Variants in ECT2L observed in about 807,000 individuals in gnomAD.
The protein encoded by ECT2L is epithelial cell-transforming sequence 2 oncogene-like.
In ECT2L, 126 loss-of-function variants were observed where a neutral mutation model predicts 122.8. The ratio of observed to expected loss-of-function variants is 1.03; its 90% confidence interval spans 0.89 to 1.19. The LOEUF is 1.19. ECT2L is among the 50% of genes most tolerant of loss of function. ECT2L has a pLI of 0.00. For missense variants in ECT2L, 1,012 were observed against 1,064.1 expected (o/e 0.95, Z 0.68); for synonymous variants, 385 against 381.8 (o/e 1.01, Z -0.10).
rs1776850051 is a variant in ECT2L at position 138,836,630 on chromosome 6, G to C, written c.180-1722G>C. Among the ~76,000 whole-genome samples the C allele has an allele frequency of 3.3e-5, 5 of 150,894 alleles. No homozygotes were observed. In the Admixed American group the frequency reaches 3.3e-4, roughly 10 times the overall value. ...ATTACTATGATGGCCTCCAAGTGGT[G>C]ATTTCCTGATTTCTTAATTCCTTCT... On this transcript the variant is annotated intron_variant, in intron 4 of 21. Coordinates refer to ENST00000541398, the MANE Select transcript of ECT2L (RefSeq NM_001077706.3).
intron 20 of ECT2L, among the ~76,000 whole-genome samples, chr6:138,899,482 T>C (rs939185538): frequency 4.0e-5 from 6 of 151,750 alleles, no homozygotes; most frequent in Non-Finnish European, 7.4e-5. Context: ...TATAAAACAG[T>C]GGAAGGATAC....
At chr6:138,849,489 G>C in intron 9 of ECT2L, 55 bp downstream of exon 9, 1 of 1,511,270 alleles carries the variant, frequency 6.6e-7, no homozygotes, top group Non-Finnish European at 8.9e-7. Flanking sequence ...TGTGCACTTT[G>C]TCCACAGTGT....
intron 13 of ECT2L, among the ~76,000 whole-genome samples, chr6:138,868,942 G>A (rs747243548): frequency 6.6e-5 from 10 of 152,276 alleles, no homozygotes; most frequent in Admixed American, 2.0e-4. Flanking sequence ...CGAGGCAGGC[G>A]GATCATTTGA....
At chr6:138,808,395 C>A (rs1269355138) in intron 1 of ECT2L, among the ~76,000 whole-genome samples, 1 of 152,108 alleles carries the variant, frequency 6.6e-6, no homozygotes, top group Non-Finnish European at 1.5e-5. Flanking sequence ...CAGGCATGCA[C>A]CACCATTCCT....
intron 9 of ECT2L, among the ~76,000 whole-genome samples, chr6:138,851,186 G>A (rs1315879246): frequency 2.0e-5 from 3 of 150,734 alleles, no homozygotes; most frequent in African/African-American, 7.3e-5. Context: ...CTTTTTTTTT[G>A]TTTTGTTGGT....
intron 12 of ECT2L, among the ~76,000 whole-genome samples, chr6:138,866,856 TG>T (rs1394948459): frequency 7.9e-5 from 12 of 152,256 alleles, no homozygotes; most frequent in Non-Finnish European, 1.8e-4. Flanking sequence ...GTGGATTGCT[TG>T]AGCTCAGGAG....
intron 16 of ECT2L, among the ~76,000 whole-genome samples, chr6:138,884,704 G>A (rs1778753862): frequency 6.6e-6 from 1 of 151,978 alleles, no homozygotes; most frequent in South Asian, 2.1e-4. Context: ...ATATTACTAT[G>A]GAAAACGTAA....
At chr6:138,855,303 T>A (rs772255488) in intron 10 of ECT2L, among the ~76,000 whole-genome samples, 16 of 151,678 alleles carry the variant, frequency 1.1e-4, no homozygotes, top group Non-Finnish European at 1.6e-4. Context: ...AGGTCAGGAG[T>A]TCGAGACTAG....
chr6:138,889,188 A>C lies in ECT2L; in HGVS notation c.2414+157A>C, dbSNP rs564188548. Among the ~76,000 whole-genome samples, 39 of 152,306 alleles carry C rather than the reference A, an allele frequency of 2.6e-4. No homozygotes were observed. In the South Asian group the frequency reaches 8.1e-3, roughly 32 times the overall value. ...GAAAAGTTACAGAGGACTCCCTCTG[A>C]GATAGTGTAGGGTATTTTATCACCA... On this transcript the variant is annotated intron_variant, in intron 20 of 21. Coordinates refer to ENST00000541398, the MANE Select transcript of ECT2L (RefSeq NM_001077706.3).
chr6:138,826,063 C>T (rs370737173), intron 4 of ECT2L, among the ~76,000 whole-genome samples: 4 of 152,340 alleles, frequency 2.6e-5, no homozygotes, highest in South Asian at 2.1e-4. Flanking sequence ...CCGTCTTGAT[C>T]GCTGTTCCAC....
chr6:138,879,782 G>A (rs1346157279), intron 14 of ECT2L, among the ~76,000 whole-genome samples: 2 of 151,970 alleles, frequency 1.3e-5, no homozygotes, highest in Admixed American at 6.6e-5. Context: ...GTGAAACCCC[G>A]TCTCTACCAA....
intron 13 of ECT2L, among the ~76,000 whole-genome samples, chr6:138,873,883 T>TGTGTGTGG (rs1778345334): frequency 8.4e-6 from 1 of 118,804 alleles, no homozygotes; most frequent in Non-Finnish European, 1.8e-5. Flanking sequence ...TGTGTGTGTG[T>TGTGTGTGG]GTGTGTGTGT....
intron 4 of ECT2L, chr6:138,823,607 C>T: frequency 7.1e-7 from 1 of 1,412,292 alleles, no homozygotes. Context: ...CCATCCAAGT[C>T]ACAGAAAGCA....
chr6:138,889,130 C>A, intron 20 of ECT2L, 99 bp downstream of exon 20: 1 of 502,562 alleles, frequency 2.0e-6, no homozygotes, highest in Non-Finnish European at 3.3e-6. Flanking sequence ...ATGTCTGACA[C>A]AGTAGGTTTG....
intron 5 of ECT2L, among the ~76,000 whole-genome samples, chr6:138,842,549 A>G (rs997602997): frequency 6.6e-6 from 1 of 152,176 alleles, no homozygotes; most frequent in Non-Finnish European, 1.5e-5. Flanking sequence ...AGGTGGGCGG[A>G]TCACGAGGTC....
At position 138,798,188 on chromosome 6, in the gene ECT2L, G is replaced by A. The variant is rs553627167; in HGVS notation, c.-244+1996G>A. ...GAATCTTGTCCTTTGGGATTTTAAT[G>A]GAGGATTCATTCATAGGCACAATTG... On this transcript the variant is annotated intron_variant, in intron 1 of 21. Coordinates refer to ENST00000541398, the MANE Select transcript of ECT2L (RefSeq NM_001077706.3). Among the ~76,000 whole-genome samples the A allele has an allele frequency of 1.7e-4, 26 of 152,264 alleles. No homozygotes were observed. In the South Asian group the frequency reaches 5.2e-3, roughly 30 times the overall value.
At chr6:138,807,837 G>A (rs1775762314) in intron 1 of ECT2L, among the ~76,000 whole-genome samples, 1 of 152,038 alleles carries the variant, frequency 6.6e-6, no homozygotes, top group African/African-American at 2.4e-5. Context: ...ATGTATGTGG[G>A]TCTGTTTCTG....
chr6:138,882,905 C>G (rs369523240), intron 16 of ECT2L, 34 bp downstream of exon 16: 1 of 1,606,898 alleles, frequency 6.2e-7, no homozygotes, highest in African/African-American at 1.3e-5. Flanking sequence ...TTCTATAAGA[C>G]CTGAGCTAGA....
chr6:138,902,518 T>A lies in ECT2L; in HGVS notation c.2606T>A (p.Ile869Asn). The change falls in exon 22 of 22, where the codon ATT becomes AAT. Residue 869 changes from isoleucine (I) to asparagine (N), a missense_variant. Ile to Asn is a moderately radical substitution (Grantham distance 149). Transcript: ENST00000541398. ...PDSKYVKNAF[I>N]LQGPKYKWIC... ...TTTACAGATGTCAAGAATGCATTTATTCTTCAGGGTCCAAAATATAAATGG... is the reference window on the plus strand; with the variant it reads ...TTTACAGATGTCAAGAATGCATTTAATCTTCAGGGTCCAAAATATAAATGG... 1 of 1,613,654 alleles carries A rather than the reference T, an allele frequency of 6.2e-7. No individual in the cohort carries two copies.
Sources: gnomAD v4.1 joint callset for allele counts (sites outside exome capture counted in the v4.1 genomes callset) on GRCh38, gnomAD v4.1.1 for gene constraint, MANE v1.5 for transcripts, NCBI Gene and HGNC (gene_info 2026-07-23, HGNC 2026-07-21) for gene names.